Variants in GTF2I observed in about 807,000 individuals in gnomAD.
GTF2I encodes the protein general transcription factor II-I.
GTF2I carries 12 observed loss-of-function variants against 67.6 expected under a neutral mutation model. That is an observed-to-expected ratio of 0.18 (90% CI 0.11 to 0.29). GTF2I has a LOEUF of 0.29. Among genes scored for constraint, GTF2I ranks in the 10% least tolerant of loss-of-function variants. The probability of loss-of-function intolerance (pLI) is 1.00; values close to 1 mark genes in which losing one functional copy is unlikely to be tolerated. For synonymous variants in GTF2I, 149 were observed against 197.0 expected, an observed-to-expected ratio of 0.76 and a Z score of 2.04; for missense variants, 271 against 580.1, an observed-to-expected ratio of 0.47 and a Z score of 5.47.
At chr7:74,712,598 CTGTA>C (rs1554402834) in intron 9 of GTF2I, among the ~76,000 whole-genome samples, 1 of 147,124 alleles carries the variant, frequency 6.8e-6, no homozygotes, top group East Asian at 2.0e-4. Context: ...CAGTGGTACA[CTGTA>C]TGTGTTGTTG....
chr7:74,665,386 G>A (rs1241158453), intron 1 of GTF2I, among the ~76,000 whole-genome samples: 4 of 151,782 alleles, frequency 2.6e-5, no homozygotes, highest in African/African-American at 9.7e-5. Context: ...CGAGTAGCTG[G>A]AATTATAGGC....
At chr7:74,685,279 T>G (rs1787610324) in intron 1 of GTF2I, among the ~76,000 whole-genome samples, 1 of 152,190 alleles carries the variant, frequency 6.6e-6, no homozygotes, top group Non-Finnish European at 1.5e-5. Context: ...GTGGATTACT[T>G]GAGGTCACGA....
intron 2 of GTF2I, among the ~76,000 whole-genome samples, chr7:74,690,567 G>A (rs1225607378): frequency 6.6e-6 from 1 of 152,092 alleles, no homozygotes; most frequent in Middle Eastern, 3.2e-3. Flanking sequence ...AATTGCCCCA[G>A]GTGCCATGGC....
At chr7:74,704,032 A>G (rs587673261) in intron 6 of GTF2I, among the ~76,000 whole-genome samples, 3 of 152,238 alleles carry the variant, frequency 2.0e-5, no homozygotes, top group South Asian at 2.1e-4. Flanking sequence ...TTTCTTTGCA[A>G]TCTAAGTGCC....
chr7:74,707,389 C>T (rs914537280), intron 8 of GTF2I, among the ~76,000 whole-genome samples: 9 of 152,296 alleles, frequency 5.9e-5, no homozygotes, highest in South Asian at 2.1e-4. Flanking sequence ...GCCCCTTCCC[C>T]GGCCCTTTGT....
In GTF2I at chr7:74,658,047, G is replaced by C. The variant is rs587647789; in HGVS notation, c.-27G>C. ...CCTCGGCACCCCCGGCCCCGGAGCT[G>C]CCTGGAGGCGGCCGCACTCGGGTGA... On this transcript the variant is annotated 5_prime_UTR_variant, in exon 1 of 35. Transcript: ENST00000573035. The C allele has an allele frequency of 6.6e-6, 1 of 151,796 alleles. No homozygotes were observed. Among genetic ancestry groups the C allele is most frequent in the Non-Finnish European group, 1.5e-5 (1 of 67,888 alleles). The allele number at this position is 151,796 out of a possible 1,614,324, so 9.4% of individuals were successfully genotyped here. A position where few individuals can be genotyped will look rare whatever the true frequency, so the allele number is the denominator to read the frequency against.
intron 12 of GTF2I, among the ~76,000 whole-genome samples, chr7:74,725,311 T>G (rs1335411053): frequency 1.3e-5 from 2 of 152,212 alleles, no homozygotes; most frequent in African/African-American, 4.8e-5. Context: ...ATGTTCCATA[T>G]GACTTAAAAC....
At chr7:74,717,002 C>A in intron 11 of GTF2I, 52 bp downstream of exon 11, 1 of 1,551,948 alleles carries the variant, frequency 6.4e-7, no homozygotes, top group Non-Finnish European at 8.9e-7. Context: ...TATGTTTATT[C>A]TATTTTATAG....
At chr7:74,689,075 A>G in intron 1 of GTF2I, 49 bp from the exon 2 acceptor site, 2 of 1,103,904 alleles carry the variant, frequency 1.8e-6, no homozygotes, top group Non-Finnish European at 2.8e-6. Flanking sequence ...CTGTGGGTTC[A>G]GGACACCAGA....
At chr7:74,681,924 A>AG (rs1214190082) in intron 1 of GTF2I, among the ~76,000 whole-genome samples, 6 of 152,072 alleles carry the variant, frequency 3.9e-5, no homozygotes, top group African/African-American at 1.4e-4. Context: ...AAAAAAAAAA[A>AG]AGTAATGGGA....
chr7:74,695,099 A>G (rs928422004), intron 3 of GTF2I, among the ~76,000 whole-genome samples: 1 of 152,218 alleles, frequency 6.6e-6, no homozygotes, highest in African/African-American at 2.4e-5. Context: ...ATGGAGGTGT[A>G]TAAGGAGATG....
At chr7:74,700,161 C>A in intron 4 of GTF2I, 86 bp from the exon 5 acceptor site, 1 of 1,328,596 alleles carries the variant, frequency 7.5e-7, no homozygotes, top group Non-Finnish European at 1.1e-6. Flanking sequence ...TCATGGATGC[C>A]CTTATTAAGC....
rs782015737 is a variant in GTF2I at position 74,700,325 on chromosome 7, A to G, written c.452A>G (p.Gln151Arg). 1.2e-5 allele frequency: 20 copies of G among 1,614,040 alleles called. No individual in the cohort carries two copies. Among genetic ancestry groups the G allele is most frequent in the African/African-American group, 1.3e-5 (1 of 74,926 alleles). ...MLRDQSAVVV[Q>R]GLPEGVAFKH... The stretch of plus-strand genomic sequence containing the variant: ...CGAGACCAGTCGGCTGTGGTAGTGC[A>G]GGGGCTTCCGGAAGGTGTTGCCTTT... Residue 151 changes from glutamine (Q) to arginine (R), a missense_variant, in exon 5 of 35, where the codon CAG becomes CGG. By Grantham distance (43) the Gln-to-Arg change is conservative (BLOSUM62 1). Transcript: ENST00000573035.
At chr7:74,671,948 C>T (rs1322499563) in intron 1 of GTF2I, among the ~76,000 whole-genome samples, 6 of 151,954 alleles carry the variant, frequency 3.9e-5, no homozygotes, top group African/African-American at 1.4e-4. Context: ...CCTGCCACTG[C>T]ATTCCAGCCT....
In GTF2I at chr7:74,719,983, G is replaced by T. The variant is rs776220347; in HGVS notation, c.943+1042G>T. ...CTTGTGTAAGTTTCTTCCCCTGAAAGTACTTCTTTCTTGTGGTAAAATGTG... is the reference window on the plus strand; with the variant it reads ...CTTGTGTAAGTTTCTTCCCCTGAAATTACTTCTTTCTTGTGGTAAAATGTG... On this transcript the variant is annotated intron_variant, in intron 12 of 34. Transcript: ENST00000573035. Among the ~76,000 whole-genome samples the T allele has an allele frequency of 4.3e-4, 65 of 152,122 alleles. 1 individual carries two copies. Among genetic ancestry groups the T allele is most frequent in the Non-Finnish European group, 7.1e-4 (48 of 68,020 alleles).
chr7:74,667,980 C>T lies in GTF2I; in HGVS notation c.-6+9912C>T, dbSNP rs184759861. Reference sequence around the variant, plus strand: ...TCTCAAGTAGCTGGGACTACAGGTGCGCACCACCACGCCCAGCTAATTTTT... The same window carrying T: ...TCTCAAGTAGCTGGGACTACAGGTGTGCACCACCACGCCCAGCTAATTTTT... On this transcript the variant is annotated intron_variant, in intron 1 of 34. Transcript: ENST00000573035. Among the ~76,000 whole-genome samples, 844 of 151,644 alleles carry T rather than the reference C, an allele frequency of 5.6e-3. 11 individuals are homozygous for T. Among genetic ancestry groups the T allele is most frequent in the African/African-American group, 0.019 (778 of 41,324 alleles).
chr7:74,675,205 C>T (rs1805789938), intron 1 of GTF2I, among the ~76,000 whole-genome samples: 2 of 152,100 alleles, frequency 1.3e-5, no homozygotes, highest in African/African-American at 4.8e-5. Flanking sequence ...TCATTCATGC[C>T]CTTGACCTTT....
At chr7:74,669,605 G>A (rs1310522268) in intron 1 of GTF2I, among the ~76,000 whole-genome samples, 10 of 151,220 alleles carry the variant, frequency 6.6e-5, no homozygotes, top group African/African-American at 1.2e-4. Context: ...GCACGATCTC[G>A]GCTCACTGAA....
intron 1 of GTF2I, among the ~76,000 whole-genome samples, chr7:74,686,457 A>G (rs1481444796): frequency 6.6e-6 from 1 of 152,196 alleles, no homozygotes; most frequent in Non-Finnish European, 1.5e-5. Context: ...TGGCAATATG[A>G]CCTTGACAAA....
Sources: allele counts gnomAD v4.1 joint callset (sites outside exome capture counted in the v4.1 genomes callset), GRCh38; gene constraint gnomAD v4.1.1; transcripts MANE v1.5; gene names NCBI Gene and HGNC (gene_info 2026-07-23, HGNC 2026-07-21).